Variants in SYT16 observed in about 807,000 individuals in gnomAD.
The protein encoded by SYT16 is synaptotagmin-16.
In SYT16, 42 loss-of-function variants were observed where a neutral mutation model predicts 61.4. That is an observed-to-expected ratio of 0.68 (90% CI 0.53 to 0.89). The LOEUF is 0.89. Among genes scored for constraint, SYT16 ranks in the 40% least tolerant of loss-of-function variants. The probability of loss-of-function intolerance (pLI) is 0.00; values close to 1 mark genes in which losing one functional copy is unlikely to be tolerated. For synonymous variants in SYT16, 314 were observed against 302.3 expected (o/e 1.04, Z -0.40); for missense variants, 804 against 807.3 (o/e 1.00, Z 0.05).
At chr14:62,067,217 G>A (rs1020321897) in intron 3 of SYT16, among the ~76,000 whole-genome samples, 8 of 152,152 alleles carry the variant, frequency 5.3e-5, no homozygotes, top group Admixed American at 3.9e-4. Flanking sequence ...ACTACTTACC[G>A]TGGAGAAGGC....
chr14:62,015,034 C>G (rs551123987), intron 3 of SYT16, among the ~76,000 whole-genome samples: 13 of 152,208 alleles, frequency 8.5e-5, no homozygotes, highest in South Asian at 2.1e-4. Flanking sequence ...CTCTAGGAAG[C>G]CTTCCTTGTC....
At chr14:61,818,891 A>G (rs2140211497) in intron 1 of SYT16, among the ~76,000 whole-genome samples, 1 of 152,338 alleles carries the variant, frequency 6.6e-6, no homozygotes, top group East Asian at 1.9e-4. Context: ...CTGTTTTTAA[A>G]CCAAGAATTA....
At chr14:62,035,934 T>A (rs1316660514) in intron 3 of SYT16, among the ~76,000 whole-genome samples, 1 of 152,140 alleles carries the variant, frequency 6.6e-6, no homozygotes, top group Non-Finnish European at 1.5e-5. Context: ...TCAATAAATA[T>A]TTATCGAGCA....
At chr14:61,888,628 A>G (rs1350959642) in intron 1 of SYT16, among the ~76,000 whole-genome samples, 1 of 152,248 alleles carries the variant, frequency 6.6e-6, no homozygotes, top group African/African-American at 2.4e-5. Context: ...TCACCATGAC[A>G]GATGTAATAA....
chr14:61,850,596 A>T (rs2046584958), intron 1 of SYT16, among the ~76,000 whole-genome samples: 1 of 152,132 alleles, frequency 6.6e-6, no homozygotes, highest in South Asian at 2.1e-4. Context: ...TATTATGTCT[A>T]CCCAGTAAGT....
In SYT16 at chr14:62,017,279, A is replaced by G. The variant is rs571154221; in HGVS notation, c.523+20737A>G. 6.6e-4 allele frequency among the ~76,000 whole-genome samples: 101 copies of G among 152,238 alleles called. 1 individual carries two copies. The highest frequency in any genetic ancestry group is 6.2e-3 in the South Asian group (30 of 4,824). On this transcript the variant is annotated intron_variant, in intron 3 of 7. Transcript: ENST00000683842. ...CTTAGTTTCCTTTGCTTGATCTCCAATGCCTCCCTGACTTCTAAATGTTAC... is the reference window on the plus strand; with the variant it reads ...CTTAGTTTCCTTTGCTTGATCTCCAGTGCCTCCCTGACTTCTAAATGTTAC...
At chr14:61,935,161 C>T (rs1262315478) in intron 1 of SYT16, among the ~76,000 whole-genome samples, 1 of 152,074 alleles carries the variant, frequency 6.6e-6, no homozygotes, top group Non-Finnish European at 1.5e-5. Flanking sequence ...CCATTGCAGG[C>T]AGTTTGGGTG....
intron 7 of SYT16, among the ~76,000 whole-genome samples, chr14:62,096,289 AT>A (rs1268199991): frequency 6.6e-6 from 1 of 152,114 alleles, no homozygotes; most frequent in Non-Finnish European, 1.5e-5. Flanking sequence ...GGTAGTAGCA[AT>A]TAATACAACT....
intron 1 of SYT16, among the ~76,000 whole-genome samples, chr14:61,953,179 T>C (rs188081539): frequency 3.3e-5 from 5 of 152,338 alleles, no homozygotes; most frequent in African/African-American, 4.8e-5. Context: ...ACAACTAATA[T>C]AGAAATGAGT....
chr14:62,051,334 G>C (rs796534447), intron 3 of SYT16, among the ~76,000 whole-genome samples: 53 of 152,344 alleles, frequency 3.5e-4, no homozygotes, highest in African/African-American at 1.2e-3. Context: ...GCAGTATTAG[G>C]GTGGGAGTGA....
intron 3 of SYT16, among the ~76,000 whole-genome samples, chr14:62,041,453 T>G (rs1490646402): frequency 6.6e-6 from 1 of 152,234 alleles, no homozygotes; most frequent in Non-Finnish European, 1.5e-5. Context: ...TAGACTGTGT[T>G]GAGCCTGTTG....
chr14:61,948,997 C>G (rs887744084), intron 1 of SYT16, among the ~76,000 whole-genome samples: 1 of 152,146 alleles, frequency 6.6e-6, no homozygotes, highest in Non-Finnish European at 1.5e-5. Context: ...TAGGAGGAGA[C>G]AGCTGAGTCA....
chr14:61,991,330 TTGTGTGTGTG>T (rs71117861), intron 2 of SYT16, among the ~76,000 whole-genome samples: 7 of 146,478 alleles, frequency 4.8e-5, no homozygotes, highest in East Asian at 2.0e-4. Context: ...TGTTTTTCAT[TTGTGTGTGTG>T]TGTGTGTGTG....
chr14:61,947,894 G>A (rs894922146), intron 1 of SYT16, among the ~76,000 whole-genome samples: 1 of 152,198 alleles, frequency 6.6e-6, no homozygotes, highest in East Asian at 1.9e-4. Flanking sequence ...AACAACATGA[G>A]TAGGACTTTA....
chr14:61,989,915 C>T (rs1015140674), intron 2 of SYT16, among the ~76,000 whole-genome samples: 4 of 152,166 alleles, frequency 2.6e-5, no homozygotes, highest in Non-Finnish European at 4.4e-5. Context: ...TTGGATTGCT[C>T]ATGCCCCGGC....
At chr14:61,968,161 T>C (rs1338168888) in intron 1 of SYT16, among the ~76,000 whole-genome samples, 1 of 152,056 alleles carries the variant, frequency 6.6e-6, no homozygotes, top group African/African-American at 2.4e-5. Context: ...CTCAAGAGGC[T>C]GAGGCATGAG....
At chr14:62,018,298 C>CTTTT (rs776473522) in intron 3 of SYT16, among the ~76,000 whole-genome samples, 1,063 of 51,658 alleles carry the variant, frequency 0.021, 166 homozygotes, top group Non-Finnish European at 0.026. Context: ...TCTTCTTCTT[C>CTTTT]TTTTTTTTTT....
At chr14:61,995,752 T>G in intron 2 of SYT16, 124 bp from the exon 3 acceptor site, 1 of 354,416 alleles carries the variant, frequency 2.8e-6, no homozygotes, top group South Asian at 9.7e-5. Flanking sequence ...ATGTAACTAT[T>G]TTAAGATTTT....
At chr14:62,070,656 C>T (rs533362314) in intron 4 of SYT16, among the ~76,000 whole-genome samples, 1 of 152,296 alleles carries the variant, frequency 6.6e-6, no homozygotes, top group African/African-American at 2.4e-5. Flanking sequence ...AGGTATCTAT[C>T]TGACTCCTTC....
Sources: gnomAD v4.1 joint callset for allele counts (sites outside exome capture counted in the v4.1 genomes callset) on GRCh38, gnomAD v4.1.1 for gene constraint, MANE v1.5 for transcripts, NCBI Gene and HGNC (gene_info 2026-07-23, HGNC 2026-07-21) for gene names.